ADAM10: variants seen among roughly 807,000 people sequenced by gnomAD.
The protein encoded by ADAM10 is disintegrin and metalloproteinase domain-containing protein 10.
ADAM10 carries 17 observed loss-of-function variants against 90.1 expected under a neutral mutation model. The observed-to-expected ratio is 0.19, with a 90% CI of 0.13 to 0.28. The LOEUF (loss-of-function observed/expected upper bound fraction) is 0.28. Among genes scored for constraint, ADAM10 ranks in the 10% least tolerant of loss-of-function variants. The probability of loss-of-function intolerance (pLI) is 1.00; values close to 1 mark genes in which losing one functional copy is unlikely to be tolerated. For missense variants in ADAM10, 610 were observed against 914.3 expected (o/e 0.67, Z 4.29); for synonymous variants, 310 against 298.6 (o/e 1.04, Z -0.40).
chr15:58,684,343 C>T (rs1269948330), intron 2 of ADAM10, among the ~76,000 whole-genome samples: 1 of 152,166 alleles, frequency 6.6e-6, no homozygotes, highest in Non-Finnish European at 1.5e-5. Context: ...GTTTCACTCA[C>T]ATCTGAGTTT....
At chr15:58,601,711 G>A (rs1027037868) in intron 14 of ADAM10, among the ~76,000 whole-genome samples, 5 of 152,030 alleles carry the variant, frequency 3.3e-5, no homozygotes, top group Non-Finnish European at 7.4e-5. Context: ...GTTCAGAATC[G>A]TGTGCTATAT....
chr15:58,710,076 G>A (rs1025249542), intron 2 of ADAM10, among the ~76,000 whole-genome samples: 4 of 151,990 alleles, frequency 2.6e-5, no homozygotes, highest in African/African-American at 4.8e-5. Flanking sequence ...TTAGGAGATC[G>A]AGACCATCCC....
At chr15:58,699,986 G>C (rs1226915520) in intron 2 of ADAM10, among the ~76,000 whole-genome samples, 1 of 152,082 alleles carries the variant, frequency 6.6e-6, no homozygotes, top group African/African-American at 2.4e-5. Context: ...GACACACACA[G>C]ACTGAAAGTA....
intron 5 of ADAM10, among the ~76,000 whole-genome samples, chr15:58,656,216 G>A (rs1896826113): frequency 6.6e-6 from 1 of 152,190 alleles, no homozygotes; most frequent in Middle Eastern, 3.4e-3. Flanking sequence ...GGTAAAATGT[G>A]TTTCTTGTAT....
intron 2 of ADAM10, chr15:58,691,676 C>CTTTTTTTTTTTTTTTTTT (rs71116587): frequency 5.1e-6 from 1 of 196,352 alleles, no homozygotes. Context: ...ACTTCTTCTT[C>CTTTTTTTTTTTTTTTTTT]TTTTTTTTTT....
chr15:58,625,829 G>A (rs536394363), intron 10 of ADAM10, among the ~76,000 whole-genome samples: 1 of 152,270 alleles, frequency 6.6e-6, no homozygotes. Context: ...AAATAAAAAA[G>A]AACGAACTAT....
intron 2 of ADAM10, among the ~76,000 whole-genome samples, chr15:58,706,744 C>T (rs1373283894): frequency 6.6e-5 from 10 of 152,230 alleles, no homozygotes; most frequent in Admixed American, 4.6e-4. Flanking sequence ...GGTACGGTGG[C>T]TCATGCCTGT....
intron 1 of ADAM10, among the ~76,000 whole-genome samples, chr15:58,744,833 G>A (rs1395273443): frequency 6.6e-6 from 1 of 152,122 alleles, no homozygotes; most frequent in Non-Finnish European, 1.5e-5. Flanking sequence ...AACCTAGTGA[G>A]ACCTCATCTC....
chr15:58,656,084 C>G (rs573332829), intron 5 of ADAM10, among the ~76,000 whole-genome samples: 20 of 152,132 alleles, frequency 1.3e-4, no homozygotes, highest in African/African-American at 4.6e-4. Context: ...TTGTCTCTTA[C>G]AGTTTTTGTC....
chr15:58,695,371 A>G (rs1396036916), intron 2 of ADAM10, among the ~76,000 whole-genome samples: 1 of 152,224 alleles, frequency 6.6e-6, no homozygotes, highest in Non-Finnish European at 1.5e-5. Flanking sequence ...GTATTTTCAT[A>G]AAATTACTTT....
chr15:58,631,124 A>G (rs1896088907), intron 9 of ADAM10, among the ~76,000 whole-genome samples: 1 of 152,160 alleles, frequency 6.6e-6, no homozygotes, highest in Non-Finnish European at 1.5e-5. Context: ...GCCCTCCATC[A>G]TAAGTGGAAG....
chr15:58,701,202 G>C (rs2657125), intron 2 of ADAM10, among the ~76,000 whole-genome samples: 130,930 of 151,860 alleles, frequency 0.86, 56,414 homozygotes, highest in Middle Eastern at 0.9. Flanking sequence ...ATTCATCTGA[G>C]AAGGGACAAA....
intron 4 of ADAM10, among the ~76,000 whole-genome samples, chr15:58,670,932 C>T (rs1016204569): frequency 6.6e-6 from 1 of 152,006 alleles, no homozygotes; most frequent in Admixed American, 6.6e-5. Context: ...GATCTAACAC[C>T]CTCATTTTAT....
chr15:58,601,455 C>T (rs1422793410), intron 14 of ADAM10, among the ~76,000 whole-genome samples: 1 of 152,024 alleles, frequency 6.6e-6, no homozygotes, highest in Non-Finnish European at 1.5e-5. Flanking sequence ...AGTGAGACTC[C>T]ACCTCAAATA....
In ADAM10 at chr15:58,595,912, T is replaced by C. The variant is rs1439178903; in HGVS notation, c.*1635A>G. 1 of 152,150 alleles carries C rather than the reference T, an allele frequency of 6.6e-6. No homozygotes were observed. The highest frequency in any genetic ancestry group is 1.5e-5 in the Non-Finnish European group (1 of 67,990). The allele number at this position is 152,150 out of a possible 1,614,324, so 9.4% of individuals were successfully genotyped here. A position where few individuals can be genotyped will look rare whatever the true frequency, so the allele number is the denominator to read the frequency against. Reference sequence around the variant, plus strand: ...TGTTTAGAATTATTTATAGTCTATCTGGGGTTTCATGTACAAAATTTGTCT... The same window carrying C: ...TGTTTAGAATTATTTATAGTCTATCCGGGGTTTCATGTACAAAATTTGTCT... On this transcript the variant is annotated 3_prime_UTR_variant, in exon 16 of 16. Transcript: ENST00000260408.
intron 8 of ADAM10, among the ~76,000 whole-genome samples, chr15:58,636,668 T>C (rs1896263223): frequency 6.6e-6 from 1 of 152,134 alleles, no homozygotes; most frequent in Admixed American, 6.5e-5. Context: ...ACAGGATAGT[T>C]TGAGAGCTAA....
At chr15:58,740,551 T>C (rs1377897533) in intron 1 of ADAM10, among the ~76,000 whole-genome samples, 2 of 152,226 alleles carry the variant, frequency 1.3e-5, no homozygotes. Flanking sequence ...AACTACACTT[T>C]ACATTTTTCT....
chr15:58,746,624 G>A (rs949778702), intron 1 of ADAM10, among the ~76,000 whole-genome samples: 3 of 152,096 alleles, frequency 2.0e-5, no homozygotes, highest in African/African-American at 7.2e-5. Context: ...TTAAGACAAG[G>A]AATTGGCCAG....
chr15:58,678,097 GA>G (rs1374835227), intron 4 of ADAM10, among the ~76,000 whole-genome samples: 2 of 152,076 alleles, frequency 1.3e-5, no homozygotes, highest in Non-Finnish European at 2.9e-5. Flanking sequence ...ACTGGAAAAG[GA>G]ATCAAATAGT....
Sources: allele counts gnomAD v4.1 joint callset (sites outside exome capture counted in the v4.1 genomes callset), GRCh38; gene constraint gnomAD v4.1.1; transcripts MANE v1.5; gene names NCBI Gene and HGNC (gene_info 2026-07-23, HGNC 2026-07-21).